Variants in MBTPS1 observed in about 807,000 individuals in gnomAD.
The protein encoded by MBTPS1 is membrane bound transcription factor peptidase, site 1, also known as membrane-bound transcription factor site-1 protease.
In MBTPS1, 94 loss-of-function variants were observed where a neutral mutation model predicts 127.8. The ratio of observed to expected loss-of-function variants is 0.74; its 90% CI spans 0.62 to 0.87. The LOEUF is 0.87. MBTPS1 is among the 40% of genes least tolerant of loss of function. The pLI, the probability that MBTPS1 is intolerant of heterozygous loss-of-function variation, is 0.00. For missense variants in MBTPS1, 1,636 were observed against 1,353.2 expected (o/e 1.21, Z -3.28); for synonymous variants, 632 against 509.4 (o/e 1.24, Z -3.24).
intron 1 of MBTPS1, chr16:84,110,769 C>G (rs1237611332): frequency 6.6e-6 from 1 of 152,186 alleles, no homozygotes; most frequent in East Asian, 1.9e-4. Context: ...GGTGGTCAGC[C>G]TGGCTCCAGA....
intron 19 of MBTPS1, chr16:84,061,654 G>T (rs925838726): frequency 6.6e-6 from 1 of 152,220 alleles, no homozygotes; most frequent in Non-Finnish European, 1.5e-5. Flanking sequence ...GAGTCGGCAG[G>T]GCCCTGACCA....
At chr16:84,067,550 A>G (rs1355574883) in intron 16 of MBTPS1, 117 bp downstream of exon 16, 1 of 813,074 alleles carries the variant, frequency 1.2e-6, no homozygotes, top group Non-Finnish European at 2.0e-6. Flanking sequence ...AGCTCTCTGA[A>G]TGTGTCTGTG....
At position 84,056,407 on chromosome 16, in the gene MBTPS1, C is replaced by G. The variant is rs117635356; in HGVS notation, c.2832-272G>C. On this transcript the variant is annotated intron_variant, in intron 21 of 22. Coordinates refer to ENST00000343411, the MANE Select transcript of MBTPS1 (RefSeq NM_003791.4). ...AGCAGGAGCCTGTTTTTGCATAAAGCTAAACATGACCAAGCGCCTCGGGAG... is the reference window on the plus strand; with the variant it reads ...AGCAGGAGCCTGTTTTTGCATAAAGGTAAACATGACCAAGCGCCTCGGGAG... 7.2e-4 allele frequency: 236 copies of G among 326,022 alleles called. No individual in the cohort carries two copies. The East Asian group carries it at 9.3e-3, about 13-fold the overall frequency. 20.2% of individuals were successfully genotyped at this position (326,022 alleles called of 1,614,324 possible). A position where few individuals can be genotyped will look rare whatever the true frequency, so the allele number is the denominator to read the frequency against.
chr16:84,106,657 G>A (rs1358510280), intron 1 of MBTPS1, among the ~76,000 whole-genome samples: 1 of 152,218 alleles, frequency 6.6e-6, no homozygotes, highest in South Asian at 2.1e-4. Flanking sequence ...ATTCTGACTG[G>A]GAAGAGAAAG....
intron 17 of MBTPS1, 107 bp downstream of exon 17, chr16:84,066,382 A>C: frequency 8.3e-7 from 1 of 1,206,900 alleles, no homozygotes; most frequent in Non-Finnish European, 1.1e-6. Context: ...CACAGACTCC[A>C]GCTAACTGAG....
Position 84,066,625 on chromosome 16 carries a change from G to T in MBTPS1, c.2229-12C>A. ...GCATCCACCACTGCCTGGGAAAGTGGTAACAGACACACAGGGAACAGGGAA... is the reference window on the plus strand; with the variant it reads ...GCATCCACCACTGCCTGGGAAAGTGTTAACAGACACACAGGGAACAGGGAA... On this transcript the variant is annotated splice_polypyrimidine_tract_variant and intron_variant, in intron 16 of 22. Transcript: ENST00000343411. 13 of 1,613,540 alleles carry T rather than the reference G, an allele frequency of 8.1e-6. No individual in the cohort carries two copies. The highest frequency in any genetic ancestry group is 1.1e-5 in the Non-Finnish European group (13 of 1,179,764).
At chr16:84,085,261 T>C in intron 9 of MBTPS1, 127 bp from the exon 10 acceptor site, 1 of 965,678 alleles carries the variant, frequency 1.0e-6, no homozygotes, top group Non-Finnish European at 1.5e-6. Context: ...AGGAAGGTAC[T>C]GGTTTTAGTC....
At position 84,091,400 on chromosome 16, in the gene MBTPS1, C is replaced by T. The variant is rs547146237; in HGVS notation, c.963+332G>A. 1.8e-4 allele frequency among the ~76,000 whole-genome samples: 27 copies of T among 151,102 alleles called. 1 individual carries two copies. The highest frequency in any genetic ancestry group is 3.4e-4 in the Non-Finnish European group (23 of 67,864). ...ACTTGGGAGGCTGAGGCAGGAGAAC[C>T]GCTTGAACCTGGGAGGCGGAGGTTG... On this transcript the variant is annotated intron_variant, in intron 7 of 22. Transcript: ENST00000343411.
chr16:84,073,007 A>G (rs1485360234), intron 12 of MBTPS1, among the ~76,000 whole-genome samples: 3 of 152,256 alleles, frequency 2.0e-5, no homozygotes, highest in Non-Finnish European at 4.4e-5. Context: ...TATATGCAAT[A>G]ATATTCAGTG....
chr16:84,101,887 T>G lies in MBTPS1; in HGVS notation c.-104A>C, dbSNP rs535435348. On this transcript the variant is annotated 5_prime_UTR_variant, in exon 2 of 23. The change abolishes the stop of an existing upstream ORF in the 5' untranslated region. Transcript: ENST00000343411. ...TTTCAGCTAAAAGCTGCAACATTAC[T>G]AATCAGCCATCTTACAGTCTTGCCC... The G allele has an allele frequency of 1.6e-5, 18 of 1,095,984 alleles. No individual in the cohort carries two copies. Among genetic ancestry groups the G allele is most frequent in the Non-Finnish European group, 2.4e-5 (18 of 740,690 alleles). The allele number at this position is 1,095,984 out of a possible 1,614,324, so 67.9% of individuals were successfully genotyped here.
At chr16:84,100,688 C>T (rs999407081) in intron 2 of MBTPS1, among the ~76,000 whole-genome samples, 2 of 151,714 alleles carry the variant, frequency 1.3e-5, no homozygotes, top group African/African-American at 2.4e-5. Context: ...GATGGCACCA[C>T]TGCACTCCAG....
At chr16:84,074,284 G>C (rs2085818344) in intron 12 of MBTPS1, among the ~76,000 whole-genome samples, 1 of 151,310 alleles carries the variant, frequency 6.6e-6, no homozygotes, top group Non-Finnish European at 1.5e-5. Flanking sequence ...ATCCAGGCTG[G>C]AGTGCAATGG....
intron 11 of MBTPS1, 28 bp from the exon 12 acceptor site, chr16:84,074,769 A>G (rs764184101): frequency 7.5e-6 from 12 of 1,589,794 alleles, no homozygotes; most frequent in African/African-American, 1.4e-5. Context: ...GTGTTAGAGT[A>G]GATCATATGA....
chr16:84,054,617 C>T lies in MBTPS1; in HGVS notation c.2991G>A (p.Glu997=), dbSNP rs1276276038. ...GGIMPGRYNQ[E]VGQTIPVFAF... is the part of the protein sequence containing the mutation. ...CAAAGACAGGAATGGTCTGGCCCAC[C>T]TCCTGGTTGTAGCGGCCAGGCATGA... Residue 997 remains glutamate (E), a synonymous_variant, in exon 23 of 23, where the codon GAG becomes GAA. Coordinates refer to ENST00000343411, the MANE Select transcript of MBTPS1 (RefSeq NM_003791.4). 8 of 1,610,656 alleles carry T rather than the reference C, an allele frequency of 5.0e-6. No homozygotes were observed. The highest frequency in any genetic ancestry group is 3.4e-5 in the Admixed American group (2 of 59,666).
At chr16:84,063,273 G>C in intron 19 of MBTPS1, 32 bp downstream of exon 19, 1 of 1,589,886 alleles carries the variant, frequency 6.3e-7, no homozygotes. Flanking sequence ...TCTGAGTGCC[G>C]AAGTCACAAA....
At chr16:84,089,052 C>A (rs1363677991) in intron 8 of MBTPS1, among the ~76,000 whole-genome samples, 1 of 152,246 alleles carries the variant, frequency 6.6e-6, no homozygotes, top group Admixed American at 6.5e-5. Flanking sequence ...CGGCAGCCAG[C>A]GTGTGACAAA....
In MBTPS1 at chr16:84,081,744, G is replaced by A. The variant is rs1288599659; in HGVS notation, c.1448+3C>T. 3.6e-6 allele frequency: 5 copies of A among 1,385,324 alleles called. No individual in the cohort carries two copies. In the South Asian group the frequency reaches 9.3e-5, roughly 26 times the overall value. 85.8% of individuals were successfully genotyped at this position (1,385,324 alleles called of 1,614,324 possible). A position where few individuals can be genotyped will look rare whatever the true frequency, so the allele number is the denominator to read the frequency against. ...AGACCCATCGGCAGGGCGGTGCACT[G>A]ACCTTGCCTGTGGCTTGTAGCTGTT... On this transcript the variant is annotated splice_donor_region_variant and intron_variant, in intron 11 of 22. Coordinates refer to ENST00000343411, the MANE Select transcript of MBTPS1 (RefSeq NM_003791.4).
Position 84,104,205 on chromosome 16 carries a change from C to T in MBTPS1, c.-324-2098G>A, listed in dbSNP as rs368950422. Among the ~76,000 whole-genome samples the T allele has an allele frequency of 3.9e-3, 591 of 151,002 alleles. 4 individuals carry two copies. Among genetic ancestry groups the T allele is most frequent in the African/African-American group, 0.013 (545 of 41,488 alleles). ...ATATTTAAAAGATATTTATTAAATG[C>T]GTTTCTCACTCAAGGCAGGCTTTTT... On this transcript the variant is annotated intron_variant, in intron 1 of 22. Transcript: ENST00000343411.
chr16:84,112,034 C>G (rs2151175683), intron 1 of MBTPS1, among the ~76,000 whole-genome samples: 1 of 152,140 alleles, frequency 6.6e-6, no homozygotes, highest in South Asian at 2.1e-4. Flanking sequence ...AACCCTGTCT[C>G]TACTAAAAAT....
Sources: allele counts gnomAD v4.1 joint callset (sites outside exome capture counted in the v4.1 genomes callset), GRCh38; gene constraint gnomAD v4.1.1; transcripts MANE v1.5; gene names NCBI Gene and HGNC (gene_info 2026-07-23, HGNC 2026-07-21).